NPSR1: variants seen among roughly 807,000 people sequenced by gnomAD.
The protein encoded by NPSR1 is neuropeptide S receptor 1.
A neutral mutation model predicts 46.9 loss-of-function variants in NPSR1; 48 were observed. The observed-to-expected ratio is 1.02, with a 90% CI of 0.81 to 1.30. The LOEUF is 1.30. Among genes scored for constraint, NPSR1 ranks in the 50% most tolerant of loss-of-function variants. The pLI, the probability that NPSR1 is intolerant of heterozygous loss-of-function variation, is 0.00. For missense variants in NPSR1, 450 were observed against 449.5 expected, an observed-to-expected ratio of 1.00 and a Z score of -0.01; for synonymous variants, 176 against 168.1, an observed-to-expected ratio of 1.05 and a Z score of -0.36.
At chr7:34,723,802 C>T (rs755447130) in intron 2 of NPSR1, among the ~76,000 whole-genome samples, 2 of 152,024 alleles carry the variant, frequency 1.3e-5, no homozygotes, top group Non-Finnish European at 2.9e-5. Context: ...CACTGCACCC[C>T]GCTCAGCACT....
chr7:34,866,423 G>A (rs377433550), intron 8 of NPSR1, among the ~76,000 whole-genome samples: 2,112 of 151,378 alleles, frequency 0.014, 41 homozygotes, highest in African/African-American at 0.043. Context: ...GGAGGGACAG[G>A]AGGCAGAGCG....
chr7:34,753,758 T>C (rs184917671), intron 2 of NPSR1: 1 of 152,054 alleles, frequency 6.6e-6, no homozygotes, highest in East Asian at 1.9e-4. Flanking sequence ...TCCGAGCACT[T>C]TGGGAGGCTG....
At chr7:34,694,772 C>T (rs780956741) in intron 2 of NPSR1, among the ~76,000 whole-genome samples, 3 of 152,178 alleles carry the variant, frequency 2.0e-5, no homozygotes, top group South Asian at 2.1e-4. Flanking sequence ...TGCATTGGCA[C>T]GATCTTGGCT....
intron 2 of NPSR1, among the ~76,000 whole-genome samples, chr7:34,746,427 C>T (rs1785205736): frequency 6.6e-6 from 1 of 152,048 alleles, no homozygotes; most frequent in African/African-American, 2.4e-5. Flanking sequence ...TCTTTATGTG[C>T]CTGATTTATA....
At chr7:34,861,548 G>T (rs532371924) in intron 8 of NPSR1, among the ~76,000 whole-genome samples, 1 of 151,912 alleles carries the variant, frequency 6.6e-6, no homozygotes, top group Non-Finnish European at 1.5e-5. Context: ...GTTTATTGTT[G>T]ATATCTCCCA....
intron 2 of NPSR1, among the ~76,000 whole-genome samples, chr7:34,686,960 CAAA>C (rs66886501): frequency 9.6e-5 from 9 of 94,210 alleles, no homozygotes; most frequent in African/African-American, 1.1e-4. Flanking sequence ...GACTCCGTCT[CAAA>C]AAAAAAAAAA....
intron 2 of NPSR1, among the ~76,000 whole-genome samples, chr7:34,707,539 G>A (rs558456479): frequency 1.1e-4 from 17 of 152,276 alleles, no homozygotes; most frequent in African/African-American, 1.4e-4. Context: ...CTTTGCTTTC[G>A]TAATTCAACA....
chr7:34,706,383 G>A (rs1334413004), intron 2 of NPSR1, among the ~76,000 whole-genome samples: 1 of 151,902 alleles, frequency 6.6e-6, no homozygotes, highest in Non-Finnish European at 1.5e-5. Context: ...CTATATGTTA[G>A]TAATTTTGGC....
At chr7:34,874,105 G>C (rs531517366) in intron 8 of NPSR1, among the ~76,000 whole-genome samples, 2 of 150,276 alleles carry the variant, frequency 1.3e-5, no homozygotes, top group Non-Finnish European at 2.9e-5. Flanking sequence ...AGAAAGTTGA[G>C]ACTGGAATCT....
At chr7:34,804,636 G>A (rs186091612) in intron 3 of NPSR1, among the ~76,000 whole-genome samples, 7 of 151,560 alleles carry the variant, frequency 4.6e-5, no homozygotes, top group Non-Finnish European at 7.4e-5. Flanking sequence ...GTCCTCTCTC[G>A]CCACTCCCAT....
chr7:34,849,336 G>A, intron 8 of NPSR1: 1 of 1,550,164 alleles, frequency 6.5e-7, no homozygotes, highest in Non-Finnish European at 8.7e-7. Flanking sequence ...TAATAGCAGT[G>A]TCTACCTGTT....
chr7:34,863,126 T>C (rs1791227599), intron 8 of NPSR1, among the ~76,000 whole-genome samples: 1 of 151,724 alleles, frequency 6.6e-6, no homozygotes, highest in African/African-American at 2.4e-5. Flanking sequence ...AAACAAGCAA[T>C]GGGAAAAGAT....
At chr7:34,785,252 A>G (rs1192594170) in intron 3 of NPSR1, among the ~76,000 whole-genome samples, 1 of 151,928 alleles carries the variant, frequency 6.6e-6, no homozygotes, top group Non-Finnish European at 1.5e-5. Context: ...GAAATTGGAA[A>G]TCATCATTCT....
intron 2 of NPSR1, among the ~76,000 whole-genome samples, chr7:34,752,685 G>C (rs142777191): frequency 2.0e-5 from 3 of 152,284 alleles, no homozygotes; most frequent in African/African-American, 7.2e-5. Context: ...TATTCTCCAC[G>C]AGTCTCTCAC....
chr7:34,837,733 T>C (rs1373839291), intron 6 of NPSR1, among the ~76,000 whole-genome samples: 1 of 152,232 alleles, frequency 6.6e-6, no homozygotes, highest in East Asian at 1.9e-4. Context: ...ACATATCGAA[T>C]GCACACATAA....
chr7:34,747,857 C>T (rs1785290170), intron 2 of NPSR1, among the ~76,000 whole-genome samples: 1 of 152,154 alleles, frequency 6.6e-6, no homozygotes, highest in South Asian at 2.1e-4. Flanking sequence ...AATGAATGCT[C>T]AGATTCCAGG....
At chr7:34,849,274 G>A (rs572641681) in intron 8 of NPSR1, 22 of 1,294,556 alleles carry the variant, frequency 1.7e-5, no homozygotes, top group Admixed American at 6.0e-5. Context: ...GTGACCTTGG[G>A]CAAGTTATTT....
chr7:34,802,480 T>C (rs1788471383), intron 3 of NPSR1, among the ~76,000 whole-genome samples: 1 of 150,382 alleles, frequency 6.6e-6, no homozygotes, highest in African/African-American at 2.5e-5. Context: ...ATTCCCTATT[T>C]AATAAACGGT....
At chr7:34,848,459 G>A (rs1437839339) in intron 7 of NPSR1, 24 bp from the exon 8 acceptor site, 1 of 1,611,426 alleles carries the variant, frequency 6.2e-7, no homozygotes, top group Non-Finnish European at 8.5e-7. Flanking sequence ...CTGCTGTGAT[G>A]CTAATGGCTC....
Sources: allele counts gnomAD v4.1 joint callset (sites outside exome capture counted in the v4.1 genomes callset), GRCh38; gene constraint gnomAD v4.1.1; transcripts MANE v1.5; gene names NCBI Gene and HGNC (gene_info 2026-07-23, HGNC 2026-07-21).